Variants in AHCYL2 observed in about 807,000 individuals in gnomAD.
The protein encoded by AHCYL2 is S-adenosylhomocysteine hydrolase-like protein 2.
A neutral mutation model predicts 81.4 loss-of-function variants in AHCYL2; 28 were observed. That is an observed-to-expected ratio of 0.34 (90% confidence interval 0.25 to 0.47). The LOEUF is 0.47. Among genes scored for constraint, AHCYL2 ranks in the 20% least tolerant of loss-of-function variants. The pLI is 1.00. For synonymous variants in AHCYL2, 272 were observed against 290.2 expected (o/e 0.94, Z 0.64); for missense variants, 551 against 785.1 (o/e 0.70, Z 3.56).
At chr7:129,253,019 C>G (rs774824151) in intron 1 of AHCYL2, among the ~76,000 whole-genome samples, 4 of 151,938 alleles carry the variant, frequency 2.6e-5, no homozygotes, top group Non-Finnish European at 5.9e-5. Context: ...CCAGCCTGGC[C>G]AAGATGGTGA....
At chr7:129,425,685 C>T (rs904045396) in intron 15 of AHCYL2, among the ~76,000 whole-genome samples, 68 of 152,178 alleles carry the variant, frequency 4.5e-4, no homozygotes, top group African/African-American at 1.6e-3. Flanking sequence ...CTGCCTCAAG[C>T]ACCTGAACTG....
At chr7:129,413,552 A>G (rs1468997723) in intron 11 of AHCYL2, 42 bp from the exon 12 acceptor site, 3 of 1,449,386 alleles carry the variant, frequency 2.1e-6, no homozygotes, top group Non-Finnish European at 2.9e-6. Context: ...TCTGTGGATT[A>G]TCTTTCTCCA....
intron 1 of AHCYL2, among the ~76,000 whole-genome samples, chr7:129,250,588 G>A (rs1314772727): frequency 6.6e-6 from 1 of 152,176 alleles, no homozygotes; most frequent in Admixed American, 6.5e-5. Flanking sequence ...AGTGGCAACA[G>A]TGGACATGTT....
At chr7:129,385,651 A>G (rs922138118) in intron 2 of AHCYL2, among the ~76,000 whole-genome samples, 15 of 152,188 alleles carry the variant, frequency 9.9e-5, no homozygotes, top group Admixed American at 2.0e-4. Context: ...GTTGGGGGAA[A>G]GAGAGAGCAT....
At chr7:129,337,244 T>C (rs1798634770) in intron 1 of AHCYL2, among the ~76,000 whole-genome samples, 1 of 152,140 alleles carries the variant, frequency 6.6e-6, no homozygotes. Context: ...ATATACAAAC[T>C]TACTTTTATC....
rs1451327308 is a variant in AHCYL2 at position 129,225,417 on chromosome 7, A to G, written c.341A>G (p.Glu114Gly). ...ALVSPDGTVT[E>G]APRTVKKQIQ... is the part of the protein sequence containing the mutation. The stretch of plus-strand genomic sequence containing the variant: ...GTCAGCCCCGACGGCACCGTCACCG[A>G]GGCGCCGCGCACAGTCAAGAAGGTA... The change falls in exon 1 of 17, where the codon GAG becomes GGG. Residue 114 changes from glutamate (E) to glycine (G), a missense_variant. By Grantham distance (98) the Glu-to-Gly change is moderately conservative. Transcript: ENST00000325006. The G allele has an allele frequency of 1.3e-6, 2 of 1,515,704 alleles. No homozygotes were observed. The highest frequency in any genetic ancestry group is 2.0e-5 in the Admixed American group (1 of 49,182). 93.9% of individuals were successfully genotyped at this position (1,515,704 alleles called of 1,614,324 possible). A position where few individuals can be genotyped will look rare whatever the true frequency, so the allele number is the denominator to read the frequency against.
intron 8 of AHCYL2, chr7:129,405,475 A>G (rs1796256927): frequency 5.6e-6 from 2 of 354,306 alleles, no homozygotes; most frequent in Non-Finnish European, 9.9e-6. Context: ...TGTGTTATCT[A>G]CATCTTCTTC....
intron 1 of AHCYL2, among the ~76,000 whole-genome samples, chr7:129,280,558 A>G (rs528490898): frequency 2.1e-4 from 32 of 152,140 alleles, no homozygotes; most frequent in Non-Finnish European, 4.3e-4. Flanking sequence ...GTCAACTATG[A>G]GTAAAGACAG....
At chr7:129,307,880 G>A (rs573273152) in intron 1 of AHCYL2, among the ~76,000 whole-genome samples, 3 of 151,908 alleles carry the variant, frequency 2.0e-5, no homozygotes, top group Admixed American at 1.3e-4. Context: ...AGAAATGTCC[G>A]GGAGCTAGGG....
At chr7:129,394,637 G>A (rs896425718) in intron 4 of AHCYL2, among the ~76,000 whole-genome samples, 4 of 151,670 alleles carry the variant, frequency 2.6e-5, no homozygotes, top group Non-Finnish European at 5.9e-5. Flanking sequence ...TAGAGATGGG[G>A]TTTCTCCATG....
chr7:129,250,919 G>A (rs1476110438), intron 1 of AHCYL2, among the ~76,000 whole-genome samples: 3 of 152,262 alleles, frequency 2.0e-5, no homozygotes, highest in Middle Eastern at 3.4e-3. Context: ...TGCAGTTCAT[G>A]GTCTGCTTGT....
chr7:129,346,941 A>G (rs1194628851), intron 1 of AHCYL2, among the ~76,000 whole-genome samples: 1 of 152,194 alleles, frequency 6.6e-6, no homozygotes, highest in Non-Finnish European at 1.5e-5. Flanking sequence ...AGACAATGGA[A>G]TATTATTCAG....
chr7:129,303,077 C>T (rs564573591), intron 1 of AHCYL2, among the ~76,000 whole-genome samples: 6 of 152,210 alleles, frequency 3.9e-5, no homozygotes, highest in South Asian at 2.1e-4. Context: ...CTTGGCTCAC[C>T]GCAACCTCTG....
chr7:129,310,903 G>C (rs2150775198), intron 1 of AHCYL2, among the ~76,000 whole-genome samples: 1 of 152,140 alleles, frequency 6.6e-6, no homozygotes, highest in East Asian at 1.9e-4. Context: ...TTGAGCTCAG[G>C]AGTTTGAGTC....
intron 12 of AHCYL2, among the ~76,000 whole-genome samples, chr7:129,414,992 A>G (rs1310050261): frequency 6.6e-6 from 1 of 152,136 alleles, no homozygotes; most frequent in Non-Finnish European, 1.5e-5. Context: ...TCCATTATTA[A>G]AAATAGCTGG....
At chr7:129,311,300 T>C (rs549895006) in intron 1 of AHCYL2, among the ~76,000 whole-genome samples, 1 of 152,324 alleles carries the variant, frequency 6.6e-6, no homozygotes, top group Admixed American at 6.5e-5. Flanking sequence ...GGATATCTTA[T>C]ACAGTAAGAG....
chr7:129,401,676 T>G (rs1238229429), intron 6 of AHCYL2, among the ~76,000 whole-genome samples: 1 of 152,150 alleles, frequency 6.6e-6, no homozygotes, highest in Non-Finnish European at 1.5e-5. Context: ...GTTTTAATAG[T>G]GACACAAGGG....
At position 129,335,127 on chromosome 7, in the gene AHCYL2, A is replaced by G. The variant is rs146315697; in HGVS notation, c.364-44511A>G. Among the ~76,000 whole-genome samples the G allele has an allele frequency of 4.3e-3, 658 of 152,274 alleles. 9 individuals carry two copies. Among genetic ancestry groups the G allele is most frequent in the African/African-American group, 0.015 (627 of 41,556 alleles). On this transcript the variant is annotated intron_variant, in intron 1 of 16. Transcript: ENST00000325006. ...CCGGGCATGGTGGCTCATGCCTGTA[A>G]TCCCAGCACTTTGGGAGGCCAGGGC... is the stretch of plus-strand genomic sequence containing the variant.
At chr7:129,275,611 C>T (rs1024167261) in intron 1 of AHCYL2, among the ~76,000 whole-genome samples, 5 of 151,698 alleles carry the variant, frequency 3.3e-5, no homozygotes, top group African/African-American at 7.3e-5. Context: ...TCATTATTTG[C>T]GTTAAAAATT....
Sources: allele counts gnomAD v4.1 joint callset (sites outside exome capture counted in the v4.1 genomes callset), GRCh38; gene constraint gnomAD v4.1.1; transcripts MANE v1.5; gene names NCBI Gene and HGNC (gene_info 2026-07-23, HGNC 2026-07-21).